The following FSTL5 variants were observed in gnomAD, a reference collection of about 807,000 sequenced individuals.
The protein encoded by FSTL5 is follistatin like 5.
Under a neutral mutation model 89.1 loss-of-function variants are expected in FSTL5, and 62 were observed. That is an observed-to-expected ratio of 0.70 (90% CI 0.57 to 0.86). FSTL5 has a LOEUF of 0.86. Among genes scored for constraint, FSTL5 ranks in the 40% least tolerant of loss-of-function variants. The pLI, the probability that FSTL5 is intolerant of heterozygous loss-of-function variation, is 0.00. For missense variants in FSTL5, 1,057 were observed against 1,001.6 expected (o/e 1.06, Z -0.75); for synonymous variants, 383 against 346.2 (o/e 1.11, Z -1.18).
intron 3 of FSTL5, among the ~76,000 whole-genome samples, chr4:162,023,145 A>G (rs1047833889): frequency 6.6e-6 from 1 of 152,128 alleles, no homozygotes; most frequent in African/African-American, 2.4e-5. Context: ...TGATCTTTTT[A>G]GGTGATTTTC....
At chr4:161,391,685 A>C (rs1438831317) in intron 15 of FSTL5, among the ~76,000 whole-genome samples, 4 of 152,198 alleles carry the variant, frequency 2.6e-5, no homozygotes, top group African/African-American at 9.6e-5. Context: ...TAGTTCAGTA[A>C]AACATACCTG....
intron 10 of FSTL5, among the ~76,000 whole-genome samples, chr4:161,527,532 A>G (rs1731267219): frequency 6.6e-6 from 1 of 152,112 alleles, no homozygotes; most frequent in African/African-American, 2.4e-5. Flanking sequence ...CAGCCAAAAA[A>G]CACATGAAAA....
intron 5 of FSTL5, among the ~76,000 whole-genome samples, chr4:161,774,765 CTAGT>C (rs1741345926): frequency 7.2e-6 from 1 of 137,958 alleles, no homozygotes; most frequent in Admixed American, 7.0e-5. Flanking sequence ...ATTTAATTAA[CTAGT>C]TATTTATTCT....
intron 13 of FSTL5, among the ~76,000 whole-genome samples, chr4:161,472,280 T>C (rs1449087656): frequency 6.6e-6 from 1 of 152,186 alleles, no homozygotes; most frequent in African/African-American, 2.4e-5. Flanking sequence ...CCTGGCCATT[T>C]TCTTGATCTT....
chr4:161,587,558 C>T lies in FSTL5; in HGVS notation c.912G>A (p.Gly304=), dbSNP rs537339729. ...LEDINDFGDD[G]SLYITKVTTT... is the part of the protein sequence containing the mutation. Reference sequence around the variant, plus strand: ...TGGTAACCTTAGTAATATACAAGGACCCATCATCTCCAAAGTCCTATTAAA... The same window carrying T: ...TGGTAACCTTAGTAATATACAAGGATCCATCATCTCCAAAGTCCTATTAAA... Residue 304 remains glycine (G), a synonymous_variant, in exon 8 of 16, where the codon GGG becomes GGA. Coordinates refer to ENST00000306100, the MANE Select transcript of FSTL5 (RefSeq NM_020116.5). 76 of 1,605,444 alleles carry T rather than the reference C, an allele frequency of 4.7e-5. 2 individuals carry two copies. In the South Asian group the frequency reaches 8.1e-4, roughly 17 times the overall value.
At chr4:161,484,310 T>C (rs1729608674) in intron 12 of FSTL5, among the ~76,000 whole-genome samples, 1 of 152,172 alleles carries the variant, frequency 6.6e-6, no homozygotes, top group Non-Finnish European at 1.5e-5. Context: ...CAAACATGTC[T>C]ATTCTCCTTG....
At chr4:161,450,811 C>T (rs1234373402) in intron 15 of FSTL5, among the ~76,000 whole-genome samples, 4 of 148,206 alleles carry the variant, frequency 2.7e-5, no homozygotes, top group African/African-American at 7.5e-5. Context: ...GGCACGATCT[C>T]GGCTTACTGC....
chr4:161,440,045 C>A (rs918193060), intron 15 of FSTL5, among the ~76,000 whole-genome samples: 1 of 152,070 alleles, frequency 6.6e-6, no homozygotes, highest in African/African-American at 2.4e-5. Flanking sequence ...AATACAACAT[C>A]TGATAAAATT....
intron 7 of FSTL5, among the ~76,000 whole-genome samples, chr4:161,609,993 G>A (rs1734581911): frequency 6.6e-6 from 1 of 152,074 alleles, no homozygotes; most frequent in Non-Finnish European, 1.5e-5. Context: ...TGACATTAAT[G>A]TAAATTTTGC....
At chr4:161,851,081 C>T (rs1482433147) in intron 4 of FSTL5, among the ~76,000 whole-genome samples, 1 of 152,066 alleles carries the variant, frequency 6.6e-6, no homozygotes, top group African/African-American at 2.4e-5. Flanking sequence ...TTAAGTTTCC[C>T]CATATCTCTA....
intron 1 of FSTL5, among the ~76,000 whole-genome samples, chr4:162,121,770 C>T (rs1190856438): frequency 6.6e-6 from 1 of 152,060 alleles, no homozygotes; most frequent in East Asian, 1.9e-4. Flanking sequence ...TGCACGGTTC[C>T]ATTTATACAC....
intron 8 of FSTL5, among the ~76,000 whole-genome samples, chr4:161,574,297 C>A (rs74522839): frequency 0.028 from 4,233 of 150,778 alleles, 309 homozygotes; most frequent in East Asian, 0.27. Context: ...CAACTTCTAT[C>A]TTTTTCTTCT....
chr4:162,127,765 A>G (rs969509225), intron 1 of FSTL5, among the ~76,000 whole-genome samples: 2 of 152,326 alleles, frequency 1.3e-5, no homozygotes, highest in East Asian at 3.9e-4. Flanking sequence ...AAAAATGCCA[A>G]TCTGAATGAG....
intron 15 of FSTL5, among the ~76,000 whole-genome samples, chr4:161,450,844 T>C (rs980018885): frequency 1.3e-5 from 2 of 151,298 alleles, no homozygotes; most frequent in Non-Finnish European, 2.9e-5. Context: ...CCCAGGTTCA[T>C]GGCATTCTCC....
At chr4:162,097,201 T>C (rs1393442902) in intron 2 of FSTL5, among the ~76,000 whole-genome samples, 2 of 151,862 alleles carry the variant, frequency 1.3e-5, no homozygotes, top group Non-Finnish European at 3.0e-5. Context: ...GTTTTAAATC[T>C]TAAATTGGGT....
chr4:161,799,214 C>T (rs578107619), intron 4 of FSTL5, among the ~76,000 whole-genome samples: 54 of 151,690 alleles, frequency 3.6e-4, no homozygotes, highest in Middle Eastern at 3.4e-3. Flanking sequence ...ATGTGAAGAG[C>T]TTGCGGCAGT....
intron 2 of FSTL5, among the ~76,000 whole-genome samples, chr4:162,088,182 A>G (rs1185021512): frequency 6.6e-6 from 1 of 151,996 alleles, no homozygotes; most frequent in Non-Finnish European, 1.5e-5. Context: ...GATTCTAATC[A>G]CAAGATATAT....
intron 3 of FSTL5, among the ~76,000 whole-genome samples, chr4:162,024,354 C>T (rs949871359): frequency 3.3e-5 from 5 of 152,140 alleles, no homozygotes; most frequent in African/African-American, 9.7e-5. Context: ...TTGGAAAGCA[C>T]TTGACAGAGG....
intron 7 of FSTL5, among the ~76,000 whole-genome samples, chr4:161,618,139 T>C (rs1159290530): frequency 1.0e-4 from 15 of 146,476 alleles, no homozygotes; most frequent in African/African-American, 3.8e-4. Flanking sequence ...GTTATTGGTG[T>C]ATAAGAATGC....
Sources: allele counts gnomAD v4.1 joint callset (sites outside exome capture counted in the v4.1 genomes callset), GRCh38; gene constraint gnomAD v4.1.1; transcripts MANE v1.5; gene names NCBI Gene and HGNC (gene_info 2026-07-23, HGNC 2026-07-21).